ARHGEF28: variants seen among roughly 807,000 people sequenced by gnomAD.
The protein encoded by ARHGEF28 is 190 kDa guanine nucleotide exchange factor.
Under a neutral mutation model 206.6 loss-of-function variants are expected in ARHGEF28, and 152 were observed. The ratio of observed to expected loss-of-function variants is 0.74; its 90% CI spans 0.64 to 0.84. ARHGEF28 has a LOEUF of 0.84. Ranked by LOEUF, ARHGEF28 falls within the 40% of genes least tolerant of loss-of-function variation. The pLI, the probability that ARHGEF28 is intolerant of heterozygous loss-of-function variation, is 0.00. For missense variants in ARHGEF28, 2,028 were observed against 2,073.2 expected (o/e 0.98, Z 0.42); for synonymous variants, 763 against 776.4 (o/e 0.98, Z 0.29).
At chr5:73,789,970 G>A (rs922180561) in intron 7 of ARHGEF28, among the ~76,000 whole-genome samples, 4 of 152,010 alleles carry the variant, frequency 2.6e-5, no homozygotes, top group Admixed American at 6.6e-5. Flanking sequence ...ACTATTTCTC[G>A]GTTTCAAGAC....
At chr5:73,856,878 C>A (rs1162406832) in intron 14 of ARHGEF28, among the ~76,000 whole-genome samples, 1 of 152,108 alleles carries the variant, frequency 6.6e-6, no homozygotes, top group African/African-American at 2.4e-5. Flanking sequence ...TTAATTTATT[C>A]TTTCCTCAGT....
chr5:73,795,043 A>G (rs1017954391), intron 8 of ARHGEF28, among the ~76,000 whole-genome samples: 7 of 152,254 alleles, frequency 4.6e-5, no homozygotes, highest in Non-Finnish European at 1.0e-4. Flanking sequence ...ATGTTTATAG[A>G]TATTTGACAA....
chr5:73,749,803 A>G, intron 2 of ARHGEF28, 34 bp from the exon 3 acceptor site: 1 of 1,611,474 alleles, frequency 6.2e-7, no homozygotes, highest in Non-Finnish European at 8.5e-7. Context: ...AGGACAAGGA[A>G]GTCTGACAAT....
At chr5:73,737,097 G>T (rs1423280189) in intron 2 of ARHGEF28, among the ~76,000 whole-genome samples, 1 of 152,056 alleles carries the variant, frequency 6.6e-6, no homozygotes, top group African/African-American at 2.4e-5. Context: ...CCCACTTTAT[G>T]ATGTGTTTCA....
intron 35 of ARHGEF28, among the ~76,000 whole-genome samples, chr5:73,917,006 A>AAT (rs1351375325): frequency 1.3e-5 from 2 of 152,204 alleles, no homozygotes; most frequent in African/African-American, 4.8e-5. Context: ...TTAAGGCAGG[A>AAT]ATATTGAATC....
chr5:73,861,154 C>T (rs770085705), intron 16 of ARHGEF28, among the ~76,000 whole-genome samples: 1 of 152,162 alleles, frequency 6.6e-6, no homozygotes, highest in Non-Finnish European at 1.5e-5. Flanking sequence ...CACGATGACT[C>T]CCGTGTAGGT....
chr5:73,879,889 T>A (rs958994089), intron 22 of ARHGEF28, among the ~76,000 whole-genome samples: 4 of 152,304 alleles, frequency 2.6e-5, no homozygotes, highest in African/African-American at 9.6e-5. Context: ...AGGGACCCAC[T>A]TGAGGAGGCA....
intron 23 of ARHGEF28, 72 bp downstream of exon 23, chr5:73,882,666 G>T: frequency 7.6e-7 from 1 of 1,314,370 alleles, no homozygotes; most frequent in South Asian, 1.6e-5. Flanking sequence ...GTTTCTTAAT[G>T]ATTTAAACAA....
chr5:73,870,154 C>T lies in ARHGEF28; in HGVS notation c.2511C>T (p.Pro837=), dbSNP rs778164995. The T allele has an allele frequency of 6.2e-7, 1 of 1,613,728 alleles. No homozygotes were observed. The highest frequency in any genetic ancestry group is 8.5e-7 in the Non-Finnish European group (1 of 1,179,866). The change falls in exon 21 of 36, where the codon CCC becomes CCT. Residue 837 remains proline, a synonymous_variant. Transcript: ENST00000513042. ...AATCTTGGAGTCTTGTGGTGGATCC[C>T]TCATTTTGTAATAGGCAGGAGAAGG... The part of the protein sequence containing the change: ...EAESWSLVVD[P]SFCNRQEKDV...
chr5:73,711,952 G>A (rs1749278091), intron 2 of ARHGEF28, among the ~76,000 whole-genome samples: 2 of 150,180 alleles, frequency 1.3e-5, no homozygotes, highest in Non-Finnish European at 3.0e-5. Context: ...CTGTTTATTA[G>A]GTTAAGAAAT....
intron 22 of ARHGEF28, among the ~76,000 whole-genome samples, chr5:73,880,011 C>A (rs1294941919): frequency 6.6e-6 from 1 of 152,230 alleles, no homozygotes; most frequent in Non-Finnish European, 1.5e-5. Context: ...TTTTGTTTGT[C>A]TGTGCCCTGC....
chr5:73,852,293 G>A (rs1399159228), intron 13 of ARHGEF28, among the ~76,000 whole-genome samples: 2 of 152,098 alleles, frequency 1.3e-5, no homozygotes, highest in African/African-American at 4.8e-5. Context: ...TGTATGTTAG[G>A]GCATTAGTGT....
chr5:73,671,713 TATATATATATATATATATATATATA>T (rs1405619750), intron 1 of ARHGEF28, among the ~76,000 whole-genome samples: 258 of 13,292 alleles, frequency 0.019, 4 homozygotes, highest in South Asian at 0.058. Flanking sequence ...TATATATATA[TATATATATATATATATATATATATA>T]TTTTTTTTTT....
intron 2 of ARHGEF28, among the ~76,000 whole-genome samples, chr5:73,741,383 GTGTATATATATATATATATATATA>G (rs1186853956): frequency 0.024 from 445 of 18,184 alleles, no homozygotes; most frequent in Admixed American, 0.061. Context: ...GTGTGTGTGT[GTGTATATATATATATATATATATA>G]TATATATATA....
chr5:73,773,245 C>G (rs915518346), intron 4 of ARHGEF28, among the ~76,000 whole-genome samples: 3 of 152,170 alleles, frequency 2.0e-5, no homozygotes, highest in South Asian at 2.1e-4. Context: ...GTGCAGGGGC[C>G]TTACAGGTCG....
intron 1 of ARHGEF28, among the ~76,000 whole-genome samples, chr5:73,644,395 T>C (rs562014757): frequency 1.3e-5 from 2 of 152,360 alleles, no homozygotes; most frequent in South Asian, 2.1e-4. Context: ...TGTGTTTCCA[T>C]GCTCTCGTCT....
At chr5:73,902,999 C>G (rs1156575702) in intron 31 of ARHGEF28, 2 of 152,214 alleles carry the variant, frequency 1.3e-5, no homozygotes, top group Admixed American at 6.5e-5. Flanking sequence ...CCTGTTCTCT[C>G]CCATAGGGTT....
At chr5:73,811,414 T>C (rs2112518510) in intron 9 of ARHGEF28, among the ~76,000 whole-genome samples, 1 of 152,340 alleles carries the variant, frequency 6.6e-6, no homozygotes, top group Non-Finnish European at 1.5e-5. Context: ...TCAGTTGTCA[T>C]GTAAAGGTTC....
chr5:73,936,046 A>G (rs189592175), intron 35 of ARHGEF28, among the ~76,000 whole-genome samples: 1 of 152,338 alleles, frequency 6.6e-6, no homozygotes, highest in Admixed American at 6.5e-5. Context: ...ATACTGGTGC[A>G]TTTAGATTTA....
Sources: allele counts gnomAD v4.1 joint callset (sites outside exome capture counted in the v4.1 genomes callset), GRCh38; gene constraint gnomAD v4.1.1; transcripts MANE v1.5; gene names NCBI Gene and HGNC (gene_info 2026-07-23, HGNC 2026-07-21).